DLC1: variants seen among roughly 807,000 people sequenced by gnomAD.
The protein encoded by DLC1 is rho GTPase-activating protein 7.
DLC1 carries 54 observed loss-of-function variants against 140.3 expected under a neutral mutation model. That is an observed-to-expected ratio of 0.38 (90% CI 0.31 to 0.48). The LOEUF (loss-of-function observed/expected upper bound fraction) is 0.48, where lower values mean the gene tolerates loss of function less well. DLC1 is among the 20% of genes least tolerant of loss of function. The pLI, the probability that DLC1 is intolerant of heterozygous loss-of-function variation, is 0.96. For synonymous variants in DLC1, 986 were observed against 728.1 expected (o/e 1.35, Z -5.70); for missense variants, 2,536 against 1,907.0 (o/e 1.33, Z -6.14).
chr8:13,409,091 C>G (rs1259144212), intron 2 of DLC1, among the ~76,000 whole-genome samples: 1 of 151,940 alleles, frequency 6.6e-6, no homozygotes, highest in Non-Finnish European at 1.5e-5. Flanking sequence ...TCTGATTCAG[C>G]CCACTGGCCT....
chr8:13,384,705 C>T (rs926338617), intron 4 of DLC1, among the ~76,000 whole-genome samples: 10 of 152,076 alleles, frequency 6.6e-5, no homozygotes, highest in East Asian at 1.9e-4. Context: ...CCAGCAGAAC[C>T]ATAGACCCGG....
At chr8:13,562,979 A>G (rs1301257014) in intron 1 of DLC1, among the ~76,000 whole-genome samples, 1 of 152,168 alleles carries the variant, frequency 6.6e-6, no homozygotes, top group African/African-American at 2.4e-5. Flanking sequence ...AGAGGAACAC[A>G]TGTATGAGAG....
chr8:13,251,069 C>G (rs1039130476), intron 5 of DLC1, among the ~76,000 whole-genome samples: 4 of 152,166 alleles, frequency 2.6e-5, no homozygotes, highest in Non-Finnish European at 4.4e-5. Context: ...GGTGAGGCCT[C>G]TCTCCCTGGC....
At chr8:13,562,030 G>C (rs1804261872) in intron 1 of DLC1, among the ~76,000 whole-genome samples, 1 of 152,078 alleles carries the variant, frequency 6.6e-6, no homozygotes, top group East Asian at 1.9e-4. Flanking sequence ...TAGGTTGAAG[G>C]TATGCCAAAA....
At chr8:13,303,042 C>G (rs1298954091) in intron 5 of DLC1, among the ~76,000 whole-genome samples, 1 of 152,112 alleles carries the variant, frequency 6.6e-6, no homozygotes, top group African/African-American at 2.4e-5. Context: ...ATAAAATATT[C>G]AGACACGAAC....
At chr8:13,439,548 T>C (rs530487146) in intron 2 of DLC1, among the ~76,000 whole-genome samples, 2 of 152,232 alleles carry the variant, frequency 1.3e-5, no homozygotes, top group African/African-American at 4.8e-5. Flanking sequence ...ATGCAATTAG[T>C]ATTTGGACCA....
chr8:13,376,297 G>A (rs1181775034), intron 4 of DLC1, among the ~76,000 whole-genome samples: 1 of 152,080 alleles, frequency 6.6e-6, no homozygotes, highest in Non-Finnish European at 1.5e-5. Context: ...AAAACAGCGG[G>A]GTGCTGCAAG....
chr8:13,246,351 A>T (rs1190346697), intron 5 of DLC1, among the ~76,000 whole-genome samples: 1 of 152,228 alleles, frequency 6.6e-6, no homozygotes, highest in African/African-American at 2.4e-5. Context: ...TGTTCAGATG[A>T]GATTGATTGG....
At chr8:13,185,876 G>A (rs1227618136) in intron 5 of DLC1, among the ~76,000 whole-genome samples, 3 of 152,178 alleles carry the variant, frequency 2.0e-5, no homozygotes, top group Non-Finnish European at 4.4e-5. Flanking sequence ...TTGCTTGTCT[G>A]TAAAGGATTT....
At chr8:13,462,489 C>T (rs1269720660) in intron 2 of DLC1, among the ~76,000 whole-genome samples, 4 of 151,430 alleles carry the variant, frequency 2.6e-5, no homozygotes, top group Admixed American at 6.6e-5. Context: ...CTGCAAGCTC[C>T]GCCTCCCAGG....
intron 5 of DLC1, among the ~76,000 whole-genome samples, chr8:13,277,260 TG>T (rs2117409425): frequency 6.6e-6 from 1 of 152,274 alleles, no homozygotes; most frequent in Non-Finnish European, 1.5e-5. Flanking sequence ...TGCAGTGACC[TG>T]TGGTCACCCC....
rs550038547 is a variant in DLC1, at chr8:13,438,432, A to G, written c.1024-36813T>C. ...TTGTTTCTCTGCAATCAGTTTTGAA[A>G]AAAATAGCCAGAATGATCGCTATAA... On this transcript the variant is annotated intron_variant, in intron 2 of 17. Coordinates refer to ENST00000276297, the MANE Select transcript of DLC1 (RefSeq NM_182643.3). 2.6e-5 allele frequency among the ~76,000 whole-genome samples: 4 copies of G among 152,278 alleles called. No individual in the cohort carries two copies. The East Asian group carries it at 7.7e-4, about 29-fold the overall frequency.
At chr8:13,585,615 T>A (rs1355035209) in intron 1 of DLC1, among the ~76,000 whole-genome samples, 1 of 152,174 alleles carries the variant, frequency 6.6e-6, no homozygotes, top group African/African-American at 2.4e-5. Flanking sequence ...AGTCCGAAAT[T>A]GAGGTATCAC....
intron 5 of DLC1, among the ~76,000 whole-genome samples, chr8:13,251,762 T>C (rs952148838): frequency 6.6e-6 from 1 of 152,176 alleles, no homozygotes; most frequent in Non-Finnish European, 1.5e-5. Flanking sequence ...AAATGGGGGA[T>C]AATCCCATAT....
chr8:13,264,025 G>A (rs964164943), intron 5 of DLC1, among the ~76,000 whole-genome samples: 1 of 145,116 alleles, frequency 6.9e-6, no homozygotes, highest in Non-Finnish European at 1.5e-5. Flanking sequence ...GGGCATATTT[G>A]TATGACAGCA....
chr8:13,566,997 C>A, intron 1 of DLC1: 1 of 1,544,042 alleles, frequency 6.5e-7, no homozygotes, highest in African/African-American at 1.4e-5. Flanking sequence ...TTGTGATGGC[C>A]ATCTGCCCAG....
chr8:13,493,336 T>C (rs1801350235), intron 2 of DLC1, among the ~76,000 whole-genome samples: 2 of 152,346 alleles, frequency 1.3e-5, no homozygotes, highest in Non-Finnish European at 2.9e-5. Context: ...TCCACATATC[T>C]TGCTACATTA....
chr8:13,275,690 T>C (rs1831133089), intron 5 of DLC1, among the ~76,000 whole-genome samples: 1 of 152,148 alleles, frequency 6.6e-6, no homozygotes, highest in Non-Finnish European at 1.5e-5. Flanking sequence ...TGTATTTGCT[T>C]TATTATATTT....
At chr8:13,450,785 A>G (rs1799002946) in intron 2 of DLC1, among the ~76,000 whole-genome samples, 1 of 152,116 alleles carries the variant, frequency 6.6e-6, no homozygotes. Flanking sequence ...TCATGCCTGT[A>G]ATCCTAGCAC....
Sources: allele counts gnomAD v4.1 joint callset (sites outside exome capture counted in the v4.1 genomes callset), GRCh38; gene constraint gnomAD v4.1.1; transcripts MANE v1.5; gene names NCBI Gene and HGNC (gene_info 2026-07-23, HGNC 2026-07-21).